Variants in CRELD2 observed in about 807,000 individuals in gnomAD.
CRELD2 encodes protein disulfide isomerase CRELD2.
In CRELD2, 33 loss-of-function variants were observed where a neutral mutation model predicts 48.1. The ratio of observed to expected loss-of-function variants is 0.69; its 90% CI spans 0.52 to 0.92. The LOEUF is 0.92. Ranked by LOEUF, CRELD2 falls within the 40% of genes least tolerant of loss-of-function variation. The pLI is 0.00. For missense variants in CRELD2, 477 were observed against 482.4 expected (o/e 0.99, Z 0.10); for synonymous variants, 220 against 203.9 (o/e 1.08, Z -0.67).
chr22:49,919,290 A>G lies in CRELD2; in HGVS notation c.190A>G (p.Thr64Ala), dbSNP rs1004419057. Reference sequence around the variant, plus strand: ...CGGGAACACGGCTTGGGAGGAAAAGACGCTGTCCAAGTACGAGTCCAGGTG... The same window carrying G: ...CGGGAACACGGCTTGGGAGGAAAAGGCGCTGTCCAAGTACGAGTCCAGGTG... ...GGGNTAWEEK[T>A]LSKYESSEIR... is the part of the protein sequence containing the mutation. Residue 64 changes from threonine to alanine, a missense_variant, in exon 2 of 10, where the codon ACG becomes GCG. Thr to Ala is a moderately conservative substitution (Grantham distance 58). Transcript: ENST00000328268. 6.2e-7 allele frequency: 1 copy of G among 1,613,602 alleles called. No homozygotes were observed. Among genetic ancestry groups the G allele is most frequent in the Non-Finnish European group, 8.5e-7 (1 of 1,179,996 alleles).
At chr22:49,926,158 G>C (rs2060761412) in intron 9 of CRELD2, 1 of 153,466 alleles carries the variant, frequency 6.5e-6, no homozygotes, top group African/African-American at 2.4e-5. Context: ...TGGTCTCCAT[G>C]CGGGTGTCTG....
intron 9 of CRELD2, chr22:49,925,799 A>T (rs1429246391): frequency 3.0e-6 from 4 of 1,319,104 alleles, no homozygotes; most frequent in African/African-American, 1.5e-5. Flanking sequence ...TGAAGGGGGA[A>T]GTCTCTGAAG....
chr22:49,922,919 GC>G (rs2060715524), intron 6 of CRELD2, among the ~76,000 whole-genome samples: 9 of 69,516 alleles, frequency 1.3e-4, no homozygotes, highest in South Asian at 1.3e-3. Flanking sequence ...AGGTGTGGGG[GC>G]GTGAGGTGGG....
rs372572017 is a variant in CRELD2, at chr22:49,920,252, G to A, written c.415+5G>A. On this transcript the variant is annotated splice_donor_5th_base_variant and intron_variant, in intron 4 of 9. Coordinates refer to ENST00000328268, the MANE Select transcript of CRELD2 (RefSeq NM_024324.5). ...CCTACGGTCCCGACTGTCTCGGTGC[G>A]TTTCTCCTCAGGGAAATCCCATCTC... 43 of 1,595,568 alleles carry A rather than the reference G, an allele frequency of 2.7e-5. No individual in the cohort carries two copies. The highest frequency in any genetic ancestry group is 3.0e-5 in the Non-Finnish European group (35 of 1,165,330).
chr22:49,920,340 G>C, intron 4 of CRELD2, 93 bp downstream of exon 4: 4 of 869,034 alleles, frequency 4.6e-6, no homozygotes, highest in South Asian at 4.5e-5. Context: ...GGGGACCTGG[G>C]GTGCATCAGC....
intron 3 of CRELD2, 132 bp from the exon 4 acceptor site, chr22:49,920,024 G>T (rs1215694310): frequency 3.9e-6 from 3 of 771,062 alleles, no homozygotes; most frequent in Non-Finnish European, 6.5e-6. Context: ...TTAAGGAGAA[G>T]ATTCTGTCCA....
intron 6 of CRELD2, among the ~76,000 whole-genome samples, chr22:49,922,923 GAGGT>G (rs140599118): frequency 1.4e-4 from 10 of 73,858 alleles, no homozygotes; most frequent in African/African-American, 9.2e-4. Context: ...GTGGGGGCGT[GAGGT>G]GGGGGCGTGA....
intron 4 of CRELD2, 57 bp from the exon 5 acceptor site, chr22:49,921,528 A>G: frequency 6.4e-7 from 1 of 1,551,012 alleles, no homozygotes; most frequent in South Asian, 1.2e-5. Context: ...TCCGTGTGAG[A>G]ACACCGCACC....
intron 1 of CRELD2, 28 bp downstream of exon 1, chr22:49,918,926 A>C (rs912816513): frequency 7.5e-7 from 1 of 1,338,754 alleles, no homozygotes; most frequent in African/African-American, 1.5e-5. Flanking sequence ...GGGGTCGTCA[A>C]CCTTGGGCCC....
At chr22:49,920,014 T>C in intron 3 of CRELD2, 142 bp from the exon 4 acceptor site, 1 of 775,786 alleles carries the variant, frequency 1.3e-6, no homozygotes, top group Non-Finnish European at 2.1e-6. Context: ...AACCAGGAAA[T>C]TAAGGAGAAG....
At chr22:49,925,779 G>T in intron 9 of CRELD2, 1 of 1,383,246 alleles carries the variant, frequency 7.2e-7, no homozygotes, top group South Asian at 1.6e-5. Context: ...TCAAACGGAA[G>T]TTCAGGCGAT....
chr22:49,923,456 C>T, intron 7 of CRELD2, 139 bp downstream of exon 7: 1 of 736,288 alleles, frequency 1.4e-6, no homozygotes, highest in Non-Finnish European at 2.4e-6. Flanking sequence ...CAAAGTAAGT[C>T]ATAGGTATTT....
At chr22:49,923,591 T>C in intron 7 of CRELD2, 1 of 558,278 alleles carries the variant, frequency 1.8e-6, no homozygotes, top group South Asian at 1.9e-5. Context: ...CCCCGCAACG[T>C]GCCCTGCGTG....
Position 49,924,413 on chromosome 22 carries a change from G to A in CRELD2, c.826G>A (p.Glu276Lys). The A allele has an allele frequency of 6.2e-7, 1 of 1,612,596 alleles. No homozygotes were observed. The highest frequency in any genetic ancestry group is 1.7e-5 in the Admixed American group (1 of 59,900). The change falls in exon 8 of 10, where the codon GAG (glutamate) becomes AAG (lysine). Residue 276 changes from glutamate to lysine, a missense_variant. Transcript: ENST00000328268. ...CTGEGPGNCK[E>K]CISGYAREHG... is the part of the protein sequence containing the mutation. ...AGGGGAAGGCCCAGGAAACTGTAAA[G>A]AGTGTATCTCTGGCTACGCGAGGGA...
At chr22:49,921,149 A>G (rs2060682349) in intron 4 of CRELD2, 1 of 169,258 alleles carries the variant, frequency 5.9e-6, no homozygotes, top group Non-Finnish European at 1.3e-5. Context: ...CAGGCCGCAC[A>G]CCTGCACGGC....
intron 6 of CRELD2, 143 bp from the exon 7 acceptor site, chr22:49,923,091 A>G (rs888221749): frequency 6.3e-6 from 4 of 637,580 alleles, no homozygotes; most frequent in African/African-American, 5.6e-5. Context: ...GGCATTTGAG[A>G]TGATTCCTCC....
chr22:49,926,402 T>G (rs1184328161), intron 9 of CRELD2: 1 of 152,194 alleles, frequency 6.6e-6, no homozygotes, highest in Non-Finnish European at 1.5e-5. Flanking sequence ...TAAGGGTTTT[T>G]CAGAATGAAT....
intron 5 of CRELD2, 83 bp downstream of exon 5, chr22:49,921,844 C>T (rs981991682): frequency 2.1e-6 from 3 of 1,402,904 alleles, no homozygotes; most frequent in East Asian, 2.3e-5. Flanking sequence ...TAGATGGGAA[C>T]AGGGGCCTGT....
chr22:49,923,521 C>T (rs951322262), intron 7 of CRELD2: 1 of 683,136 alleles, frequency 1.5e-6, no homozygotes, highest in African/African-American at 1.8e-5. Flanking sequence ...GTTAAAAACC[C>T]AGGAACTCCC....
Sources: allele counts gnomAD v4.1 joint callset (sites outside exome capture counted in the v4.1 genomes callset), GRCh38; gene constraint gnomAD v4.1.1; transcripts MANE v1.5; gene names NCBI Gene and HGNC (gene_info 2026-07-23, HGNC 2026-07-21).